KIAA0586: variants seen among roughly 807,000 people sequenced by gnomAD.
KIAA0586 encodes the protein protein TALPID3.
In KIAA0586, 144 loss-of-function variants were observed where a neutral mutation model predicts 169.8. The observed-to-expected ratio is 0.85, with a 90% CI of 0.74 to 0.97. KIAA0586 has a LOEUF of 0.97. Ranked by LOEUF, KIAA0586 falls within the 50% of genes least tolerant of loss-of-function variation. The pLI, the probability that KIAA0586 is intolerant of heterozygous loss-of-function variation, is 0.00. For synonymous variants in KIAA0586, 625 were observed against 612.4 expected, an observed-to-expected ratio of 1.02 and a Z score of -0.30; for missense variants, 1,854 against 1,823.0, an observed-to-expected ratio of 1.02 and a Z score of -0.31.
intron 26 of KIAA0586, 32 bp from the exon 27 acceptor site, chr14:58,498,751 A>T: frequency 6.4e-7 from 1 of 1,557,240 alleles, no homozygotes; most frequent in African/African-American, 1.4e-5. Flanking sequence ...TTTTAATATA[A>T]TGGTTTTAAC....
At chr14:58,511,184 A>T (rs2044357535) in intron 28 of KIAA0586, among the ~76,000 whole-genome samples, 1 of 152,214 alleles carries the variant, frequency 6.6e-6, no homozygotes, top group Admixed American at 6.5e-5. Context: ...CTTCCTTTTA[A>T]TTGATGGCTT....
chr14:58,555,099 C>CTTTTTTTTTTTTTTTT (rs35845234), downstream of KIAA0586, among the ~76,000 whole-genome samples: 19 of 102,550 alleles, frequency 1.9e-4, no homozygotes, highest in South Asian at 6.7e-4. Context: ...TTCTTTCTTT[C>CTTTTTTTTTTTTTTTT]TTTTTTTTTT....
At chr14:58,454,163 T>C (rs79765005) in intron 9 of KIAA0586, among the ~76,000 whole-genome samples, 5,675 of 152,292 alleles carry the variant, frequency 0.037, 148 homozygotes, top group Non-Finnish European at 0.057. Flanking sequence ...ATTTTAATTC[T>C]TTTGTCATTT....
chr14:58,448,260 C>T (rs1161415330), intron 6 of KIAA0586, 80 bp from the exon 7 acceptor site: 6 of 898,450 alleles, frequency 6.7e-6, no homozygotes, highest in South Asian at 5.9e-5. Context: ...TGTTTAACTC[C>T]TCTAATATTT....
chr14:58,520,716 AG>A (rs1383365989), intron 29 of KIAA0586, among the ~76,000 whole-genome samples: 1 of 151,890 alleles, frequency 6.6e-6, no homozygotes, highest in African/African-American at 2.4e-5. Flanking sequence ...TGTAGAGACA[AG>A]GTCTCACTCT....
intron 12 of KIAA0586, among the ~76,000 whole-genome samples, chr14:58,459,114 G>C (rs1275866932): frequency 6.6e-6 from 1 of 152,142 alleles, no homozygotes; most frequent in East Asian, 1.9e-4. Flanking sequence ...GGCAGGCTAA[G>C]GTGTTATTTT....
chr14:58,505,429 C>A (rs932986600), intron 27 of KIAA0586, among the ~76,000 whole-genome samples: 2 of 152,180 alleles, frequency 1.3e-5, no homozygotes, highest in South Asian at 2.1e-4. Context: ...ACACACACAT[C>A]CTACCAGATT....
chr14:58,453,398 C>G lies in KIAA0586; in HGVS notation c.1178C>G (p.Thr393Arg). 1 of 1,452,372 alleles carries G rather than the reference C, an allele frequency of 6.9e-7. No homozygotes were observed. Among genetic ancestry groups the G allele is most frequent in the Non-Finnish European group, 9.3e-7 (1 of 1,070,368 alleles). The allele number at this position is 1,452,372 out of a possible 1,614,324, so 90.0% of individuals were successfully genotyped here. A position where few individuals can be genotyped will look rare whatever the true frequency, so the allele number is the denominator to read the frequency against. The change falls in exon 9 of 31, where the codon ACA becomes AGA. Residue 393 changes from threonine to arginine, a missense_variant. Physicochemically the swap from Thr to Arg is moderately conservative, Grantham distance 71. Transcript: ENST00000652326. ...ATTTTGAATAATAATGATTCTTTGA[C>G]AAGAAAAAGTGAATCATCAAACACC... ...EQILNNNDSL[T>R]RKSESSNTTS...
intron 4 of KIAA0586, among the ~76,000 whole-genome samples, chr14:58,435,076 A>G (rs746326821): frequency 2.6e-5 from 4 of 152,202 alleles, no homozygotes; most frequent in Non-Finnish European, 5.9e-5. Flanking sequence ...GGCATGAGCC[A>G]ACATACCTGG....
intron 18 of KIAA0586, among the ~76,000 whole-genome samples, chr14:58,473,451 C>G (rs1174567376): frequency 6.6e-6 from 1 of 151,934 alleles, no homozygotes; most frequent in Admixed American, 6.6e-5. Context: ...AGAAATAACT[C>G]TATTGGTTAT....
chr14:58,505,046 C>T (rs938260927), intron 27 of KIAA0586, among the ~76,000 whole-genome samples: 1 of 152,172 alleles, frequency 6.6e-6, no homozygotes, highest in Non-Finnish European at 1.5e-5. Flanking sequence ...GTGCTCCCCA[C>T]CACCACTTTT....
At chr14:58,472,106 A>G in intron 17 of KIAA0586, 93 bp from the exon 18 acceptor site, 1 of 546,522 alleles carries the variant, frequency 1.8e-6, no homozygotes, top group Non-Finnish European at 3.1e-6. Flanking sequence ...CCATGTAATT[A>G]TAAGCTTATA....
Position 58,459,851 on chromosome 14 carries a change from G to C in KIAA0586, c.1665G>C (p.Leu555=). The C allele has an allele frequency of 6.6e-7, 1 of 1,520,828 alleles. No homozygotes were observed. Among genetic ancestry groups the C allele is most frequent in the East Asian group, 2.5e-5 (1 of 40,678 alleles). The allele number at this position is 1,520,828 out of a possible 1,614,324, so 94.2% of individuals were successfully genotyped here. ...KTISAEIQDE[L]SRTDYEQKRF... ...ACTTTGGTTATGTTAAGGATGAACT[G>C]TCAAGAACAGATTATGAACAAAAAA... Residue 555 remains leucine (L), a synonymous_variant, in exon 13 of 31, where the codon CTG becomes CTC. Coordinates refer to ENST00000652326, the MANE Select transcript of KIAA0586 (RefSeq NM_001329943.3).
At chr14:58,523,307 CTTG>C (rs1258277542) in intron 29 of KIAA0586, among the ~76,000 whole-genome samples, 3 of 152,130 alleles carry the variant, frequency 2.0e-5, no homozygotes, top group Admixed American at 6.5e-5. Flanking sequence ...GTATGGAGAG[CTTG>C]GGTTTTTCTC....
At chr14:58,463,787 C>T (rs1023470220) in intron 14 of KIAA0586, among the ~76,000 whole-genome samples, 16 of 151,450 alleles carry the variant, frequency 1.1e-4, no homozygotes, top group African/African-American at 3.9e-4. Flanking sequence ...GATAGTGCCA[C>T]TGCACTCCAG....
chr14:58,438,376 A>T (rs1285622372), intron 4 of KIAA0586, among the ~76,000 whole-genome samples: 1 of 152,110 alleles, frequency 6.6e-6, no homozygotes, highest in African/African-American at 2.4e-5. Flanking sequence ...TCAGGCAGAA[A>T]CCTTAAAAAT....
At position 58,503,141 on chromosome 14, in the gene KIAA0586, C is replaced by T. The variant is rs369559117; in HGVS notation, c.4168+4181C>T. 9.0e-4 allele frequency among the ~76,000 whole-genome samples: 137 copies of T among 152,218 alleles called. 1 individual carries two copies. Among genetic ancestry groups the T allele is most frequent in the Middle Eastern group, 6.8e-3 (2 of 294 alleles). ...ATTTGTGGACCCTGGGATATACTAC[C>T]AACTACAGCTTTTTATTTACTCAAA... On this transcript the variant is annotated intron_variant, in intron 27 of 30. Coordinates refer to ENST00000652326, the MANE Select transcript of KIAA0586 (RefSeq NM_001329943.3).
rs184990273 is a variant in KIAA0586 at position 58,496,758 on chromosome 14, G to A, written c.3991-2025G>A. Among the ~76,000 whole-genome samples the A allele has an allele frequency of 7.4e-3, 1,126 of 152,198 alleles. 8 individuals carry two copies. Among genetic ancestry groups the A allele is most frequent in the Admixed American group, 0.012 (191 of 15,298 alleles). ...TATAGTCTAGTTAAAAAAAACACTT[G>A]TTGGTTGAAATTAAACCCCTTTTAA... On this transcript the variant is annotated intron_variant, in intron 26 of 30. Transcript: ENST00000652326.
rs2042877458 is a variant in KIAA0586, at chr14:58,492,178, G to A, written c.3893G>A (p.Arg1298Lys). The A allele has an allele frequency of 1.3e-6, 2 of 1,549,254 alleles. No homozygotes were observed. The highest frequency in any genetic ancestry group is 1.2e-5 in the South Asian group (1 of 83,726). The stretch of plus-strand genomic sequence containing the variant: ...CCTCCTAGTGAAGGGCAAGTGATTA[G>A]GATGTCCCATAAAAAATTTCATGCA... ...DDPPSEGQVI[R>K]MSHKKFHADA... Residue 1298 changes from arginine to lysine, a missense_variant, in exon 26 of 31, where the codon AGG (arginine) becomes AAG (lysine). By Grantham distance (26) the Arg-to-Lys change is conservative. Transcript: ENST00000652326.
Sources: allele counts gnomAD v4.1 joint callset (sites outside exome capture counted in the v4.1 genomes callset), GRCh38; gene constraint gnomAD v4.1.1; transcripts MANE v1.5; gene names NCBI Gene and HGNC (gene_info 2026-07-23, HGNC 2026-07-21).